MICAL2: variants seen among roughly 807,000 people sequenced by gnomAD.
The protein encoded by MICAL2 is [F-actin]-monooxygenase MICAL2.
MICAL2 carries 77 observed loss-of-function variants against 127.3 expected under a neutral mutation model. That is an observed-to-expected ratio of 0.60 (90% CI 0.50 to 0.73). MICAL2 has a LOEUF of 0.73. Ranked by LOEUF, MICAL2 falls within the 30% of genes least tolerant of loss-of-function variation. The pLI is 0.00. For missense variants in MICAL2, 1,351 were observed against 1,434.4 expected, an observed-to-expected ratio of 0.94 and a Z score of 0.94; for synonymous variants, 570 against 551.1, an observed-to-expected ratio of 1.03 and a Z score of -0.48.
chr11:12,173,408 C>T (rs750052812), intron 3 of MICAL2, among the ~76,000 whole-genome samples: 23 of 152,206 alleles, frequency 1.5e-4, no homozygotes, highest in Non-Finnish European at 3.1e-4. Flanking sequence ...ATGTCCCCTT[C>T]CAGCCAAGGA....
chr11:12,298,754 AT>A (rs1864014234), intron 29 of MICAL2, among the ~76,000 whole-genome samples: 1 of 151,816 alleles, frequency 6.6e-6, no homozygotes, highest in South Asian at 2.1e-4. Context: ...GAGATGTCTG[AT>A]TTTTTTCTCC....
At chr11:12,330,861 TAGAGAGAGAG>T (rs1158050371) in intron 32 of MICAL2, among the ~76,000 whole-genome samples, 1 of 67,064 alleles carries the variant, frequency 1.5e-5, no homozygotes, top group South Asian at 5.7e-4. Flanking sequence ...GAGAGAGGGG[TAGAGAGAGAG>T]AGAGAGAGAG....
chr11:12,246,778 T>C (rs1322885236), intron 21 of MICAL2, among the ~76,000 whole-genome samples: 2 of 152,104 alleles, frequency 1.3e-5, no homozygotes, highest in African/African-American at 2.4e-5. Context: ...AGTAAACAAA[T>C]ATTTATTGAA....
chr11:12,119,067 C>T (rs1221158835), intron 1 of MICAL2, among the ~76,000 whole-genome samples: 1 of 152,144 alleles, frequency 6.6e-6, no homozygotes. Context: ...GGGAGCCAAC[C>T]TCCATCCTTC....
chr11:12,333,416 A>G (rs1938686589), intron 32 of MICAL2, among the ~76,000 whole-genome samples: 1 of 152,198 alleles, frequency 6.6e-6, no homozygotes, highest in African/African-American at 2.4e-5. Flanking sequence ...ATATTTTCCA[A>G]AACCATGCGG....
chr11:12,138,890 C>A (rs1852080884), intron 2 of MICAL2, among the ~76,000 whole-genome samples: 1 of 152,144 alleles, frequency 6.6e-6, no homozygotes, highest in Non-Finnish European at 1.5e-5. Context: ...CTATGGGAAC[C>A]TTTGTGCCCT....
At chr11:12,350,069 T>C in intron 33 of MICAL2, 1 of 639,962 alleles carries the variant, frequency 1.6e-6, no homozygotes, top group South Asian at 1.9e-5. Context: ...GGCAAATTGA[T>C]ATTTTATGTC....
At chr11:12,308,759 C>T (rs1590731764) in intron 29 of MICAL2, among the ~76,000 whole-genome samples, 1 of 152,138 alleles carries the variant, frequency 6.6e-6, no homozygotes, top group South Asian at 2.1e-4. Flanking sequence ...CTAGGACCTC[C>T]TATACAGAGC....
intron 1 of MICAL2, among the ~76,000 whole-genome samples, chr11:12,128,807 C>G (rs1442647158): frequency 6.6e-6 from 1 of 152,176 alleles, no homozygotes; most frequent in Non-Finnish European, 1.5e-5. Context: ...CATGTAAGTC[C>G]AAGATAGAAG....
chr11:12,165,713 C>T (rs7102439), intron 3 of MICAL2, among the ~76,000 whole-genome samples: 71,012 of 152,142 alleles, frequency 0.47, 17,308 homozygotes, highest in African/African-American at 0.6. Context: ...ACCATATGTG[C>T]GTGTATACAC....
At chr11:12,361,283 G>T (rs1939200736), downstream of MICAL2, among the ~76,000 whole-genome samples, 1 of 152,154 alleles carries the variant, frequency 6.6e-6, no homozygotes, top group Non-Finnish European at 1.5e-5. Flanking sequence ...TTGATTTATT[G>T]GTCTATTTAT....
intron 30 of MICAL2, among the ~76,000 whole-genome samples, chr11:12,323,494 C>G (rs146380605): frequency 1.3e-5 from 2 of 152,212 alleles, no homozygotes; most frequent in African/African-American, 4.8e-5. Context: ...CTCTCTCTCC[C>G]AAGCCCCTCA....
intron 1 of MICAL2, among the ~76,000 whole-genome samples, chr11:12,112,132 C>T (rs1849657212): frequency 6.6e-6 from 1 of 152,174 alleles, no homozygotes; most frequent in African/African-American, 2.4e-5. Context: ...AGTGTCTGAG[C>T]CAGGTCCTGG....
At chr11:12,162,682 A>G (rs1590134367) in intron 3 of MICAL2, among the ~76,000 whole-genome samples, 1 of 152,170 alleles carries the variant, frequency 6.6e-6, no homozygotes, top group Admixed American at 6.5e-5. Context: ...TATTACCCCC[A>G]CTTCTATTAT....
chr11:12,329,248 T>C (rs1336770204), intron 32 of MICAL2, among the ~76,000 whole-genome samples: 3 of 152,228 alleles, frequency 2.0e-5, no homozygotes, highest in Non-Finnish European at 4.4e-5. Context: ...AAGAGTTTCT[T>C]GCTGCCTGGA....
intron 15 of MICAL2, among the ~76,000 whole-genome samples, chr11:12,235,820 G>C (rs1858971066): frequency 6.6e-6 from 1 of 152,204 alleles, no homozygotes; most frequent in Non-Finnish European, 1.5e-5. Context: ...ACTGCTCTGA[G>C]CCCAAGGCCA....
At chr11:12,173,594 G>T (rs78932403) in intron 3 of MICAL2, among the ~76,000 whole-genome samples, 3,511 of 152,262 alleles carry the variant, frequency 0.023, 64 homozygotes, top group Non-Finnish European at 0.035. Flanking sequence ...TAATTCAGCG[G>T]CATTAATTAC....
In MICAL2 at chr11:12,323,975, T is replaced by C. The variant is rs960004937; in HGVS notation, c.5329-3T>C. On this transcript the variant is annotated splice_polypyrimidine_tract_variant and splice_region_variant and intron_variant, in intron 30 of 34. Coordinates refer to the MICAL2 transcript ENST00000646065. ...TAATTTTTTTCTCCATTGGTTTTCA[T>C]AGGAGAAGAAGACACTTAGAAGAAG... is the stretch of plus-strand genomic sequence containing the variant. 24 of 1,595,314 alleles carry C rather than the reference T, an allele frequency of 1.5e-5. No individual in the cohort carries two copies. The Admixed American group carries it at 1.6e-4, about 11-fold the overall frequency.
intron 21 of MICAL2, among the ~76,000 whole-genome samples, chr11:12,246,916 T>C (rs1860835250): frequency 6.6e-6 from 1 of 152,156 alleles, no homozygotes; most frequent in Non-Finnish European, 1.5e-5. Context: ...AATTATATAA[T>C]GTGTTAGAGG....
Sources: gnomAD v4.1 joint callset for allele counts (sites outside exome capture counted in the v4.1 genomes callset) on GRCh38, gnomAD v4.1.1 for gene constraint, MANE v1.5 for transcripts, NCBI Gene and HGNC (gene_info 2026-07-23, HGNC 2026-07-21) for gene names.